Variants in AJAP1 observed in about 807,000 individuals in gnomAD.
AJAP1 encodes the protein adherens junction-associated protein 1.
Under a neutral mutation model 35.0 loss-of-function variants are expected in AJAP1, and 5 were observed. The observed-to-expected ratio is 0.14, with a 90% CI of 0.07 to 0.30. AJAP1 has a LOEUF of 0.30. Among genes scored for constraint, AJAP1 ranks in the 10% least tolerant of loss-of-function variants. AJAP1 has a pLI of 1.00. For missense variants in AJAP1, 586 were observed against 571.0 expected, an observed-to-expected ratio of 1.03 and a Z score of -0.27; for synonymous variants, 284 against 249.3, an observed-to-expected ratio of 1.14 and a Z score of -1.31.
At chr1:4,766,955 G>A (rs115846729) in intron 2 of AJAP1, among the ~76,000 whole-genome samples, 2,099 of 152,230 alleles carry the variant, frequency 0.014, 46 homozygotes, top group African/African-American at 0.048. Context: ...GAGGGATCCT[G>A]TAGAAAGCAT....
rs918845433 is a variant in AJAP1, at chr1:4,733,732, C to T, written c.829+21033C>T. On this transcript the variant is annotated intron_variant, in intron 2 of 5. Transcript: ENST00000378191. ...CTGACCTGGTCCAGGACAGCCCACC[C>T]CTCCCCTTGTTCTCCTTGTGGGCAG... is the stretch of plus-strand genomic sequence containing the variant. Among the ~76,000 whole-genome samples, 3 of 152,006 alleles carry T rather than the reference C, an allele frequency of 2.0e-5. No individual in the cohort carries two copies. The East Asian group carries it at 5.8e-4, about 29-fold the overall frequency.
rs752577156 is a variant in AJAP1 at position 4,686,354 on chromosome 1, T to G, written c.30-25546T>G. Among the ~76,000 whole-genome samples, 26 of 152,152 alleles carry G rather than the reference T, an allele frequency of 1.7e-4. 1 individual carries two copies. Among genetic ancestry groups the G allele is most frequent in the Non-Finnish European group, 3.1e-4 (21 of 68,040 alleles). On this transcript the variant is annotated intron_variant, in intron 1 of 5. Coordinates refer to ENST00000378191, the MANE Select transcript of AJAP1 (RefSeq NM_018836.4). Reference sequence around the variant, plus strand: ...GGTTCAAGGTTCAAGTTCCTACCCTTGATTGCCCCGCCTTCCTCTGCCGCA... The same window carrying G: ...GGTTCAAGGTTCAAGTTCCTACCCTGGATTGCCCCGCCTTCCTCTGCCGCA...
rs1207575598 is a variant in AJAP1 at position 4,789,833 on chromosome 1, G to A, written c.*7348G>A. 2.0e-5 allele frequency: 3 copies of A among 151,486 alleles called. No individual in the cohort carries two copies. Among genetic ancestry groups the A allele is most frequent in the South Asian group, 4.2e-4 (2 of 4,708 alleles). The allele number at this position is 151,486 out of a possible 1,614,324, so 9.4% of individuals were successfully genotyped here. On this transcript the variant is annotated 3_prime_UTR_variant, in exon 6 of 6. Coordinates refer to ENST00000378191, the MANE Select transcript of AJAP1 (RefSeq NM_018836.4). The surrounding 1 kb of genome is among the most constrained non-coding windows in gnomAD (Gnocchi z 4.4). ...TTTTGTTTTCGGCACCATTATGTAC[G>A]ATGAAGACTTACAGCCACTGCTAAT...
intron 1 of AJAP1, among the ~76,000 whole-genome samples, chr1:4,687,497 G>A (rs986789460): frequency 1.3e-5 from 2 of 152,306 alleles, no homozygotes; most frequent in Admixed American, 6.5e-5. Context: ...AGACCCCTGC[G>A]GTCCATGGGG....
intron 1 of AJAP1, among the ~76,000 whole-genome samples, chr1:4,660,611 C>A (rs1025345959): frequency 5.9e-5 from 9 of 152,092 alleles, no homozygotes; most frequent in African/African-American, 1.9e-4. Flanking sequence ...CCTAACTGAT[C>A]TGACTGGCAA....
At chr1:4,744,931 C>T (rs986520124) in intron 2 of AJAP1, among the ~76,000 whole-genome samples, 22 of 152,064 alleles carry the variant, frequency 1.4e-4, no homozygotes, top group African/African-American at 4.8e-4. Context: ...TAATAGGGCC[C>T]GGATTCGGGG....
rs1638872145 is a variant in AJAP1 at position 4,655,956 on chromosome 1, G to A, written c.29+502G>A. 6.6e-6 allele frequency among the ~76,000 whole-genome samples: 1 copy of A among 152,058 alleles called. No individual in the cohort carries two copies. The highest frequency in any genetic ancestry group is 2.4e-5 in the African/African-American group (1 of 41,430). On this transcript the variant is annotated intron_variant, in intron 1 of 5. Coordinates refer to ENST00000378191, the MANE Select transcript of AJAP1 (RefSeq NM_018836.4). This position sits in a 1 kb window ranked among gnomAD's most constrained non-coding sequence, Gnocchi z 6.9. ...CCGCTCCCCCTTCTCCTTTCTCGGG[G>A]CCCCGGGGCTGAGCAGGGGCCTCCC...
Position 4,655,511 on chromosome 1 carries a change from G to A in AJAP1, c.29+57G>A. 7 of 1,543,698 alleles carry A rather than the reference G, an allele frequency of 4.5e-6. No individual in the cohort carries two copies. Among genetic ancestry groups the A allele is most frequent in the Admixed American group, 1.9e-5 (1 of 53,950 alleles). On this transcript the variant is annotated intron_variant, in intron 1 of 5. Coordinates refer to ENST00000378191, the MANE Select transcript of AJAP1 (RefSeq NM_018836.4). The surrounding 1 kb of genome is among the most constrained non-coding windows in gnomAD (Gnocchi z 6.9). Reference sequence around the variant, plus strand: ...GGGCGCGTGGGTGCCAGGCTGGGCGGAAGCGGCGCTTTCCTCTATGTTGCA... The same window carrying A: ...GGGCGCGTGGGTGCCAGGCTGGGCGAAAGCGGCGCTTTCCTCTATGTTGCA...
At chr1:4,771,948 G>C (rs756513439) in intron 3 of AJAP1, among the ~76,000 whole-genome samples, 1 of 152,150 alleles carries the variant, frequency 6.6e-6, no homozygotes, top group Non-Finnish European at 1.5e-5. Flanking sequence ...CGAGGCGTTC[G>C]TGGGGAAACT....
At chr1:4,752,163 G>A (rs996293742) in intron 2 of AJAP1, among the ~76,000 whole-genome samples, 1 of 151,512 alleles carries the variant, frequency 6.6e-6, no homozygotes, top group Admixed American at 6.6e-5. Flanking sequence ...GAGGAGGAGG[G>A]AGGAGAGGAG....
In AJAP1 at chr1:4,734,559, A is replaced by G. The variant is rs1640874532; in HGVS notation, c.829+21860A>G. The stretch of plus-strand genomic sequence containing the variant: ...GTCTTCTCCACCATCCCTTGGGCGT[A>G]TGGTATTTTACAAAGTAGGAAGTGG... On this transcript the variant is annotated intron_variant, in intron 2 of 5. Coordinates refer to ENST00000378191, the MANE Select transcript of AJAP1 (RefSeq NM_018836.4). This position sits in a 1 kb window ranked among gnomAD's most constrained non-coding sequence, Gnocchi z 4.3. 6.6e-6 allele frequency among the ~76,000 whole-genome samples: 1 copy of G among 152,134 alleles called. No individual in the cohort carries two copies. The highest frequency in any genetic ancestry group is 6.5e-5 in the Admixed American group (1 of 15,274).
In AJAP1 at chr1:4,791,725, A is replaced by G. The variant is rs946741030; in HGVS notation, c.*9240A>G. 6.6e-6 allele frequency: 1 copy of G among 152,384 alleles called. No individual in the cohort carries two copies. Among genetic ancestry groups the G allele is most frequent in the South Asian group, 2.1e-4 (1 of 4,828 alleles). The allele number at this position is 152,384 out of a possible 1,614,324, so 9.4% of individuals were successfully genotyped here. A position where few individuals can be genotyped will look rare whatever the true frequency, so the allele number is the denominator to read the frequency against. The stretch of plus-strand genomic sequence containing the variant: ...GAATAAACAGGATACTCAGTGAAAC[A>G]TCCAAACTATTGACTGGATTTTTCC... On this transcript the variant is annotated 3_prime_UTR_variant, in exon 6 of 6. Coordinates refer to ENST00000378191, the MANE Select transcript of AJAP1 (RefSeq NM_018836.4).
chr1:4,735,662 TGTGAG>T (rs70955796), intron 2 of AJAP1, among the ~76,000 whole-genome samples: 101,394 of 151,858 alleles, frequency 0.67, 35,174 homozygotes, highest in Middle Eastern at 0.78. Flanking sequence ...CTGTGTGAGG[TGTGAG>T]GTGAGCTCCT....
At chr1:4,704,253 C>T (rs1640052917) in intron 1 of AJAP1, among the ~76,000 whole-genome samples, 1 of 151,130 alleles carries the variant, frequency 6.6e-6, no homozygotes, top group Non-Finnish European at 1.5e-5. Context: ...GTGTGCTGCA[C>T]CCATTAACTC....
intron 2 of AJAP1, among the ~76,000 whole-genome samples, chr1:4,758,871 C>T (rs2100343355): frequency 6.6e-6 from 1 of 152,312 alleles, no homozygotes; most frequent in Non-Finnish European, 1.5e-5. Context: ...CGCTGCTCTT[C>T]CCTCTACCCG....
rs186972285 is a variant in AJAP1 at position 4,737,817 on chromosome 1, G to A, written c.829+25118G>A. On this transcript the variant is annotated intron_variant, in intron 2 of 5. Transcript: ENST00000378191. ...CTCGAGAGGCTGAGGCAGGTGGATC[G>A]CTTGAGCCCAGAAGATTGAGGCTGC... Among the ~76,000 whole-genome samples the A allele has an allele frequency of 9.2e-5, 14 of 152,264 alleles. No homozygotes were observed. The East Asian group carries it at 2.1e-3, about 23-fold the overall frequency.
intron 2 of AJAP1, among the ~76,000 whole-genome samples, chr1:4,760,877 C>G (rs1641549908): frequency 6.6e-6 from 1 of 152,220 alleles, no homozygotes. Flanking sequence ...AGTGCCCACT[C>G]TGGGATTCTT....
intron 2 of AJAP1, among the ~76,000 whole-genome samples, chr1:4,740,626 A>G (rs190034171): frequency 0.031 from 4,685 of 151,774 alleles, 105 homozygotes; most frequent in Middle Eastern, 0.048. Context: ...TCTACTAAAA[A>G]ATACAAAAAA....
rs1262367520 is a variant in AJAP1 at position 4,775,725 on chromosome 1, C to T, written c.*59+1167C>T. ...CATGTTCTGCCAACTGGCAAAGAAA[C>T]GTAATTAGATTAGAATATGGGAACC... On this transcript the variant is annotated intron_variant, in intron 5 of 5. Coordinates refer to ENST00000378191, the MANE Select transcript of AJAP1 (RefSeq NM_018836.4). Among the ~76,000 whole-genome samples the T allele has an allele frequency of 2.0e-5, 3 of 152,312 alleles. No individual in the cohort carries two copies. The East Asian group carries it at 5.8e-4, about 30-fold the overall frequency.
Sources: gnomAD v4.1 joint callset for allele counts (sites outside exome capture counted in the v4.1 genomes callset) on GRCh38, gnomAD v4.1.1 for gene constraint, Gnocchi (gnomAD v3.1) non-coding constraint, MANE v1.5 for transcripts, NCBI Gene and HGNC (gene_info 2026-07-23, HGNC 2026-07-21) for gene names.